The following ACTL8 variants were observed in gnomAD, a reference collection of about 807,000 sequenced individuals.
ACTL8 encodes actin like 8, also known as actin-like protein 8.
In ACTL8, 3 loss-of-function variants were observed where a neutral mutation model predicts 9.3. That is an observed-to-expected ratio of 0.32 (90% CI 0.15 to 0.83). The LOEUF (loss-of-function observed/expected upper bound fraction) is 0.83. ACTL8 is among the 40% of genes least tolerant of loss of function. The pLI is 0.57. For synonymous variants in ACTL8, 224 were observed against 205.9 expected (o/e 1.09, Z -0.75); for missense variants, 381 against 492.2 (o/e 0.77, Z 2.14).
At chr1:17,815,863 T>C (rs78660202) in intron 1 of ACTL8, among the ~76,000 whole-genome samples, 1,966 of 152,304 alleles carry the variant, frequency 0.013, 35 homozygotes, top group African/African-American at 0.044. Flanking sequence ...TTTCTCTCTG[T>C]GTTTTAGATT....
chr1:17,777,642 C>G (rs1020421425), intron 1 of ACTL8, among the ~76,000 whole-genome samples: 1 of 152,180 alleles, frequency 6.6e-6, no homozygotes, highest in Non-Finnish European at 1.5e-5. Flanking sequence ...TTCGTGATGT[C>G]TGCCACCTCT....
In ACTL8 at chr1:17,806,253, A is replaced by G. The variant is rs189314045; in HGVS notation, c.-24-16732A>G. 2.1e-3 allele frequency among the ~76,000 whole-genome samples: 323 copies of G among 152,346 alleles called. 2 individuals carry two copies. The highest frequency in any genetic ancestry group is 6.5e-3 in the African/African-American group (272 of 41,580). On this transcript the variant is annotated intron_variant, in intron 1 of 2. Transcript: ENST00000375406. Reference sequence around the variant, plus strand: ...ACATTAATGGGGGTTTCTGAATGCCAAGAGACAATCAATCAAGCCTTCCTG... The same window carrying G: ...ACATTAATGGGGGTTTCTGAATGCCGAGAGACAATCAATCAAGCCTTCCTG...
intron 2 of ACTL8, among the ~76,000 whole-genome samples, chr1:17,824,604 T>C (rs917064651): frequency 6.6e-6 from 1 of 152,180 alleles, no homozygotes; most frequent in African/African-American, 2.4e-5. Context: ...AAATTACAAA[T>C]AATGTCTTAG....
intron 1 of ACTL8, among the ~76,000 whole-genome samples, chr1:17,795,955 G>A (rs893968487): frequency 6.6e-6 from 1 of 152,202 alleles, no homozygotes. Context: ...TCATTCCCCT[G>A]ATGCCCCTTT....
chr1:17,776,194 C>T (rs2066117010), intron 1 of ACTL8, among the ~76,000 whole-genome samples: 1 of 152,212 alleles, frequency 6.6e-6, no homozygotes. Context: ...ATGAAGACAG[C>T]ACGAAGGTCC....
Position 17,799,460 on chromosome 1 carries a change from CTT to C in ACTL8, c.-24-23515_-24-23514del, listed in dbSNP as rs144331230. The stretch of plus-strand genomic sequence containing the variant: ...TTTGTCAATTTCCTCATCTTTTTGT[CTT>C]TTTTTTTTTCTTGTTGGTTTCTAAG... On this transcript the variant is annotated intron_variant, in intron 1 of 2. Coordinates refer to ENST00000375406, the MANE Select transcript of ACTL8 (RefSeq NM_030812.3). 2.0e-4 allele frequency among the ~76,000 whole-genome samples: 29 copies of C among 145,640 alleles called. No individual in the cohort carries two copies. In the East Asian group the frequency reaches 3.2e-3, roughly 16 times the overall value.
chr1:17,807,794 T>A (rs755035524), intron 1 of ACTL8, among the ~76,000 whole-genome samples: 1 of 147,640 alleles, frequency 6.8e-6, no homozygotes, highest in Non-Finnish European at 1.5e-5. Context: ...AGTTGAATAA[T>A]GAGAACACAT....
At chr1:17,775,640 G>C (rs553054053) in intron 1 of ACTL8, among the ~76,000 whole-genome samples, 2 of 152,314 alleles carry the variant, frequency 1.3e-5, no homozygotes, top group South Asian at 2.1e-4. Flanking sequence ...AAATCTAACA[G>C]CCACGTCAGT....
chr1:17,762,111 G>C (rs1195821202), intron 1 of ACTL8, among the ~76,000 whole-genome samples: 1 of 152,082 alleles, frequency 6.6e-6, no homozygotes, highest in Non-Finnish European at 1.5e-5. Context: ...GTGGCCTCCT[G>C]GTAGCTGGGG....
At chr1:17,771,209 G>A (rs766244559) in intron 1 of ACTL8, among the ~76,000 whole-genome samples, 1 of 152,196 alleles carries the variant, frequency 6.6e-6, no homozygotes, top group East Asian at 1.9e-4. Flanking sequence ...AATGATGGGC[G>A]TGGCTGTGTT....
At chr1:17,825,078 G>C (rs1339309060) in intron 2 of ACTL8, among the ~76,000 whole-genome samples, 3 of 134,718 alleles carry the variant, frequency 2.2e-5, no homozygotes, top group African/African-American at 8.1e-5. Context: ...GGAATGGGGG[G>C]CAGGGGGGCT....
intron 1 of ACTL8, among the ~76,000 whole-genome samples, chr1:17,788,003 G>A (rs1375931178): frequency 6.6e-6 from 1 of 152,206 alleles, no homozygotes; most frequent in Non-Finnish European, 1.5e-5. Flanking sequence ...CAAGCAGGGG[G>A]GCTGAGCAGC....
intron 1 of ACTL8, among the ~76,000 whole-genome samples, chr1:17,795,161 T>G (rs951748013): frequency 4.6e-5 from 7 of 152,216 alleles, no homozygotes; most frequent in African/African-American, 1.4e-4. Flanking sequence ...GCTTCCATTC[T>G]CAAAGTCACT....
chr1:17,792,503 CAG>C (rs1391488921), intron 1 of ACTL8, among the ~76,000 whole-genome samples: 1 of 152,180 alleles, frequency 6.6e-6, no homozygotes, highest in Non-Finnish European at 1.5e-5. Flanking sequence ...GCATATAGAC[CAG>C]AGATTCGTGT....
At chr1:17,772,655 T>A (rs2066091068) in intron 1 of ACTL8, among the ~76,000 whole-genome samples, 1 of 152,106 alleles carries the variant, frequency 6.6e-6, no homozygotes, top group African/African-American at 2.4e-5. Flanking sequence ...GTTGGGGGGC[T>A]CCCTTTTGAA....
rs374201645 is a variant in ACTL8, at chr1:17,804,068, G to A, written c.-24-18917G>A. On this transcript the variant is annotated intron_variant, in intron 1 of 2. Transcript: ENST00000375406. ...AAACAAGGAAATTGATTGATTCAAC[G>A]AATTTAAAGCCCCAAAGGTAGTTCA... Among the ~76,000 whole-genome samples, 3 of 152,302 alleles carry A rather than the reference G, an allele frequency of 2.0e-5. No homozygotes were observed. In the East Asian group the frequency reaches 5.8e-4, roughly 29 times the overall value.
intron 1 of ACTL8, among the ~76,000 whole-genome samples, chr1:17,812,554 C>G (rs2066400533): frequency 1.3e-5 from 2 of 151,492 alleles, no homozygotes; most frequent in South Asian, 4.2e-4. Context: ...CTCAGCCTCC[C>G]AAGAAGCTGC....
chr1:17,803,951 A>C (rs1348948685), intron 1 of ACTL8, among the ~76,000 whole-genome samples: 1 of 152,166 alleles, frequency 6.6e-6, no homozygotes, highest in Non-Finnish European at 1.5e-5. Flanking sequence ...ATATACGCTT[A>C]CTTCCTAGGG....
At chr1:17,790,696 A>G (rs572325046) in intron 1 of ACTL8, among the ~76,000 whole-genome samples, 2 of 152,292 alleles carry the variant, frequency 1.3e-5, no homozygotes, top group African/African-American at 4.8e-5. Context: ...GGGCCTCACC[A>G]GGGACCCACC....
Sources: gnomAD v4.1 joint callset for allele counts (sites outside exome capture counted in the v4.1 genomes callset) on GRCh38, gnomAD v4.1.1 for gene constraint, MANE v1.5 for transcripts, NCBI Gene and HGNC (gene_info 2026-07-23, HGNC 2026-07-21) for gene names.